Variants in PNPLA8 observed in about 807,000 individuals in gnomAD.
PNPLA8 encodes patatin like domain 8, phospholipase A2, also known as calcium-independent phospholipase A2-gamma.
PNPLA8 carries 39 observed loss-of-function variants against 76.9 expected under a neutral mutation model. That is an observed-to-expected ratio of 0.51 (90% confidence interval 0.39 to 0.66). The LOEUF is 0.66. Ranked by LOEUF, PNPLA8 falls within the 30% of genes least tolerant of loss-of-function variation. The pLI is 0.00. For missense variants in PNPLA8, 887 were observed against 918.0 expected, an observed-to-expected ratio of 0.97 and a Z score of 0.44; for synonymous variants, 301 against 307.9, an observed-to-expected ratio of 0.98 and a Z score of 0.24.
chr7:108,498,606 T>C (rs1055665215), intron 5 of PNPLA8, among the ~76,000 whole-genome samples: 1 of 152,058 alleles, frequency 6.6e-6, no homozygotes, highest in Non-Finnish European at 1.5e-5. Context: ...TTTTCTTTAT[T>C]CATTTTTAAA....
intron 9 of PNPLA8, among the ~76,000 whole-genome samples, chr7:108,486,204 C>T (rs1038627234): frequency 2.6e-5 from 4 of 152,028 alleles, no homozygotes; most frequent in Admixed American, 1.3e-4. Flanking sequence ...GTGGAAAACA[C>T]AAGATCCCCA....
chr7:108,497,675 A>C, intron 5 of PNPLA8, 98 bp from the exon 6 acceptor site: 1 of 529,678 alleles, frequency 1.9e-6, no homozygotes, highest in Non-Finnish European at 3.1e-6. Context: ...TTTAGAGTTT[A>C]TATGCTAACA....
chr7:108,514,356 T>C (rs2154516676), intron 3 of PNPLA8, 63 bp from the exon 4 acceptor site: 1 of 1,542,816 alleles, frequency 6.5e-7, no homozygotes, highest in Non-Finnish European at 8.8e-7. Context: ...ACAATGAAAG[T>C]TTCTTAGTTC....
Position 108,487,970 on chromosome 7 carries a change from T to C in PNPLA8, c.1684-17A>G, listed in dbSNP as rs1263950450. On this transcript the variant is annotated splice_polypyrimidine_tract_variant and intron_variant, in intron 8 of 10. Transcript: ENST00000257694. ...AGCAGCTACCTAGTGAATGAAAAAG[T>C]GAACAATTCCATCATTAACAGTAAT... 2.0e-6 allele frequency: 3 copies of C among 1,489,534 alleles called. No individual in the cohort carries two copies. The highest frequency in any genetic ancestry group is 2.8e-6 in the Non-Finnish European group (3 of 1,077,578). The allele number at this position is 1,489,534 out of a possible 1,614,324, so 92.3% of individuals were successfully genotyped here.
Position 108,487,863 on chromosome 7 carries a change from GA to G in PNPLA8, c.1773del (p.His592IlefsTer41), listed in dbSNP as rs1158542924. On this transcript the variant is annotated frameshift_variant, in exon 9 of 11. Coordinates refer to ENST00000257694, the MANE Select transcript of PNPLA8 (RefSeq NM_001256007.3). LOFTEE classifies it high-confidence loss of function. Reference protein sequence around the residue: ...RNYGHFPGINSHYLGGCQYKM... With the variant: ...RNYGHFPGINXHYLGGCQYKM... ...TTATACTGACAGCCTCCCAAATAAT[GA>G]GAGTTGATTCCAGGAAAATGACCAT... 1 of 1,613,126 alleles carries G rather than the reference GA, an allele frequency of 6.2e-7. No individual in the cohort carries two copies. Among genetic ancestry groups the G allele is most frequent in the Non-Finnish European group, 8.5e-7 (1 of 1,179,304 alleles).
intron 10 of PNPLA8, among the ~76,000 whole-genome samples, chr7:108,474,926 C>G (rs1859878952): frequency 6.6e-6 from 1 of 152,096 alleles, no homozygotes; most frequent in African/African-American, 2.4e-5. Flanking sequence ...GTCCCCAACC[C>G]ATGGGCTGCA....
chr7:108,497,191 A>T (rs974560386), intron 6 of PNPLA8, among the ~76,000 whole-genome samples: 2 of 152,198 alleles, frequency 1.3e-5, no homozygotes, highest in African/African-American at 4.8e-5. Context: ...ATCACTAAGC[A>T]ATTCTCCTTC....
chr7:108,487,759 T>G lies in PNPLA8; in HGVS notation c.1878A>C (p.Gln626His). 6.3e-7 allele frequency: 1 copy of G among 1,585,878 alleles called. No homozygotes were observed. The highest frequency in any genetic ancestry group is 8.6e-7 in the Non-Finnish European group (1 of 1,164,842). ...AAATAAGACATACAAGTCAACTTAC[T>G]TGATGAAGATCATTTCCCAATGCAT... ...AEYALGNDLH[Q>H]DGGLLLNNPS... Residue 626 changes from glutamine (Q) to histidine (H), a missense_variant and splice_region_variant, in exon 9 of 11, where the codon CAA (glutamine) becomes CAC (histidine). By Grantham distance (24) the Gln-to-His change is conservative. Coordinates refer to ENST00000257694, the MANE Select transcript of PNPLA8 (RefSeq NM_001256007.3).
intron 10 of PNPLA8, 55 bp from the exon 11 acceptor site, chr7:108,472,730 A>G: frequency 8.2e-7 from 1 of 1,214,704 alleles, no homozygotes; most frequent in Non-Finnish European, 1.1e-6. Flanking sequence ...GGATAAAGTG[A>G]GCAATGAACT....
At chr7:108,508,637 G>T in intron 4 of PNPLA8, among the ~76,000 whole-genome samples, 1 of 126,466 alleles carries the variant, frequency 7.9e-6, no homozygotes, top group Non-Finnish European at 1.7e-5. Flanking sequence ...TCCCCATCAA[G>T]CTACCAATGA....
chr7:108,485,349 G>A (rs943075985), intron 9 of PNPLA8, among the ~76,000 whole-genome samples: 20 of 152,094 alleles, frequency 1.3e-4, no homozygotes, highest in African/African-American at 4.8e-4. Flanking sequence ...CCTTATAAAT[G>A]TTGTAATAAT....
intron 4 of PNPLA8, among the ~76,000 whole-genome samples, chr7:108,507,861 TG>T (rs1350145482): frequency 1.3e-5 from 2 of 150,502 alleles, no homozygotes; most frequent in African/African-American, 4.9e-5. Flanking sequence ...GATGCAAGGC[TG>T]GTTCAATATA....
intron 9 of PNPLA8, among the ~76,000 whole-genome samples, chr7:108,480,231 T>C (rs534311807): frequency 9.9e-5 from 15 of 152,062 alleles, no homozygotes; most frequent in African/African-American, 3.6e-4. Flanking sequence ...TAGCCAGGCA[T>C]GGTGTACATG....
chr7:108,472,248 C>T lies in PNPLA8; in HGVS notation c.*153G>A, dbSNP rs1003437488. On this transcript the variant is annotated 3_prime_UTR_variant, in exon 11 of 11. Transcript: ENST00000257694. ...TCTGTAACCAAGAATATTCTCTGTG[C>T]TATGCAAGCTGGTTGAAGCACCGTC... 17 of 567,162 alleles carry T rather than the reference C, an allele frequency of 3.0e-5. No homozygotes were observed. Among genetic ancestry groups the T allele is most frequent in the Non-Finnish European group, 5.0e-5 (16 of 316,934 alleles). The allele number at this position is 567,162 out of a possible 1,614,324, so 35.1% of individuals were successfully genotyped here.
intron 5 of PNPLA8, among the ~76,000 whole-genome samples, chr7:108,498,331 C>T (rs1861707340): frequency 6.6e-6 from 1 of 151,636 alleles, no homozygotes; most frequent in African/African-American, 2.4e-5. Flanking sequence ...CAGTGGCTCA[C>T]TGGGCTCACT....
rs749416959 is a variant in PNPLA8, at chr7:108,472,568, C to T, written c.2182G>A (p.Asp728Asn). The change falls in exon 11 of 11, where the codon GAT becomes AAT. Residue 728 changes from aspartate to asparagine, a missense_variant. By Grantham distance (23) the Asp-to-Asn change is conservative. Transcript: ENST00000257694. ...PLDESRNEKL[D>N]QLQLEGLKYI... ...TTCAACCCTTCCAACTGCAGCTGATCCAGCTTTTCATTTCGACTTTCATCT... is the reference window on the plus strand; with the variant it reads ...TTCAACCCTTCCAACTGCAGCTGATTCAGCTTTTCATTTCGACTTTCATCT... The T allele has an allele frequency of 3.7e-6, 6 of 1,611,980 alleles. No homozygotes were observed. In the Admixed American group the frequency reaches 1.0e-4, roughly 27 times the overall value.
At chr7:108,486,707 T>G (rs1238211192) in intron 9 of PNPLA8, among the ~76,000 whole-genome samples, 1 of 152,130 alleles carries the variant, frequency 6.6e-6, no homozygotes, top group Non-Finnish European at 1.5e-5. Flanking sequence ...GAGATAAAAT[T>G]GATAAAAATG....
intron 8 of PNPLA8, among the ~76,000 whole-genome samples, chr7:108,488,590 C>A (rs1383075255): frequency 6.6e-6 from 1 of 152,064 alleles, no homozygotes; most frequent in Non-Finnish European, 1.5e-5. Flanking sequence ...ACAAAAAAAA[C>A]TGCTTCAAGA....
chr7:108,487,763 T>C lies in PNPLA8; in HGVS notation c.1874A>G (p.His625Arg), dbSNP rs1365563377. Residue 625 changes from histidine (H) to arginine (R), a missense_variant, in exon 9 of 11, where the codon CAT becomes CGT. Physicochemically the swap from His to Arg is conservative, Grantham distance 29. Coordinates refer to ENST00000257694, the MANE Select transcript of PNPLA8 (RefSeq NM_001256007.3). ...AAGACATACAAGTCAACTTACTTGATGAAGATCATTTCCCAATGCATATTC... is the reference window on the plus strand; with the variant it reads ...AAGACATACAAGTCAACTTACTTGACGAAGATCATTTCCCAATGCATATTC... ...FAEYALGNDL[H>R]QDGGLLLNNP... The C allele has an allele frequency of 6.3e-7, 1 of 1,590,230 alleles. No homozygotes were observed. The highest frequency in any genetic ancestry group is 8.6e-7 in the Non-Finnish European group (1 of 1,167,554).
Sources: allele counts gnomAD v4.1 joint callset (sites outside exome capture counted in the v4.1 genomes callset), GRCh38; gene constraint gnomAD v4.1.1; transcripts MANE v1.5; gene names NCBI Gene and HGNC (gene_info 2026-07-23, HGNC 2026-07-21).